SH3KBP1: variants seen among roughly 807,000 people sequenced by gnomAD.
SH3KBP1 encodes SH3 domain containing kinase binding protein 1.
SH3KBP1 carries 8 observed loss-of-function variants against 50.1 expected under a neutral mutation model. That is an observed-to-expected ratio of 0.16 (90% CI 0.09 to 0.29). The LOEUF is 0.29. Among genes scored for constraint, SH3KBP1 ranks in the 10% least tolerant of loss-of-function variants. The probability of loss-of-function intolerance (pLI) is 1.00; values close to 1 mark genes in which losing one functional copy is unlikely to be tolerated. For missense variants in SH3KBP1, 377 were observed against 535.2 expected (o/e 0.70, Z 2.92); for synonymous variants, 227 against 218.6 (o/e 1.04, Z -0.34).
chrX:19,802,767 G>A (rs1212328279), intron 2 of SH3KBP1, among the ~76,000 whole-genome samples: 2 of 111,109 alleles, frequency 1.8e-5, no homozygotes, highest in East Asian at 5.6e-4. Context: ...TAGCGTACTG[G>A]GCACGCACCA....
At chrX:19,628,073 G>A (rs2061496384) in intron 8 of SH3KBP1, among the ~76,000 whole-genome samples, 1 of 112,388 alleles carries the variant, frequency 8.9e-6, no homozygotes, top group South Asian at 3.7e-4. Context: ...AATGTCAGCA[G>A]GGTTTTACAG....
intron 3 of SH3KBP1, among the ~76,000 whole-genome samples, chrX:19,719,232 A>C (rs1176789184): frequency 1.8e-5 from 2 of 110,990 alleles, no homozygotes; most frequent in Admixed American, 9.6e-5. Flanking sequence ...CGACTCACTC[A>C]CATCTGCCTC....
intron 7 of SH3KBP1, among the ~76,000 whole-genome samples, chrX:19,633,205 G>A (rs2061619163): frequency 9.0e-6 from 1 of 111,517 alleles, no homozygotes; most frequent in African/African-American, 3.3e-5. Context: ...GTGAAGGGAG[G>A]AGAGGCGGTA....
chrX:19,545,884 A>C, intron 15 of SH3KBP1, 38 bp downstream of exon 15: 1 of 1,203,570 alleles, frequency 8.3e-7, no homozygotes, highest in Non-Finnish European at 1.1e-6. Flanking sequence ...CACATGCATG[A>C]AATGACAGGG....
At chrX:19,770,702 GTTAT>G (rs2065763502) in intron 2 of SH3KBP1, among the ~76,000 whole-genome samples, 1 of 107,786 alleles carries the variant, frequency 9.3e-6, no homozygotes, top group African/African-American at 3.4e-5. Flanking sequence ...TTACCAGCAT[GTTAT>G]TTTTTTTTTT....
chrX:19,536,431 G>C lies in SH3KBP1; in HGVS notation c.1984C>G (p.Leu662Val). The change falls in exon 18 of 18, where the codon CTA becomes GTA. Residue 662 changes from leucine (L) to valine (V), a missense_variant. Leu to Val is a conservative substitution (Grantham distance 32). Coordinates refer to ENST00000397821, the MANE Select transcript of SH3KBP1 (RefSeq NM_031892.3). ...QMEVNDIKKA[L>V]QSK ...TGATCAAGTATTCATTTTGATTGTA[G>C]AGCTTTCTTTATGTCGTTCACTTCC... 8.7e-7 allele frequency: 1 copy of C among 1,146,940 alleles called. No individual in the cohort carries two copies. The allele number at this position is 1,146,940 out of a possible 1,213,427, so 94.5% of individuals were successfully genotyped here. A position where few individuals can be genotyped will look rare whatever the true frequency, so the allele number is the denominator to read the frequency against.
chrX:19,836,797 G>A (rs1232933130), intron 1 of SH3KBP1, among the ~76,000 whole-genome samples: 1 of 111,954 alleles, frequency 8.9e-6, no homozygotes, highest in East Asian at 2.8e-4. Flanking sequence ...ATCCCCAAGT[G>A]TTGTAGGAGG....
chrX:19,767,952 C>T (rs2065672634), intron 2 of SH3KBP1, among the ~76,000 whole-genome samples: 2 of 110,774 alleles, frequency 1.8e-5, no homozygotes, highest in South Asian at 3.9e-4. Context: ...AGTTAATTTG[C>T]TCTGAACCCA....
intron 8 of SH3KBP1, among the ~76,000 whole-genome samples, chrX:19,612,684 A>C (rs1216943902): frequency 8.9e-6 from 1 of 112,407 alleles, no homozygotes; most frequent in Non-Finnish European, 1.9e-5. Flanking sequence ...TGTGCAGGAC[A>C]GGAGATGAAT....
chrX:19,856,257 T>C (rs1051178046), intron 1 of SH3KBP1, among the ~76,000 whole-genome samples: 1 of 112,111 alleles, frequency 8.9e-6, no homozygotes, highest in Admixed American at 9.5e-5. Flanking sequence ...AGCTTGCTTC[T>C]AAATCAATAA....
At chrX:19,794,966 T>C (rs2039773061) in intron 2 of SH3KBP1, among the ~76,000 whole-genome samples, 1 of 111,890 alleles carries the variant, frequency 8.9e-6, no homozygotes. Context: ...AAGGATTTAT[T>C]ATTATCCCAA....
At chrX:19,823,786 G>A (rs1248960634) in intron 2 of SH3KBP1, among the ~76,000 whole-genome samples, 2 of 112,208 alleles carry the variant, frequency 1.8e-5, no homozygotes, top group East Asian at 5.6e-4. Context: ...GAATCACTGA[G>A]TACAGAAGTT....
At chrX:19,830,494 T>G (rs975571612) in intron 2 of SH3KBP1, among the ~76,000 whole-genome samples, 1 of 111,836 alleles carries the variant, frequency 8.9e-6, no homozygotes, top group South Asian at 3.7e-4. Flanking sequence ...TAGTGGCTCA[T>G]GCCTATAATC....
intron 12 of SH3KBP1, among the ~76,000 whole-genome samples, chrX:19,570,472 G>A (rs2065974225): frequency 8.9e-6 from 1 of 111,842 alleles, no homozygotes; most frequent in African/African-American, 3.2e-5. Context: ...GACAAAGGCT[G>A]GCAAGGTTGG....
At chrX:19,677,316 A>G (rs1358319340) in intron 6 of SH3KBP1, among the ~76,000 whole-genome samples, 1 of 111,628 alleles carries the variant, frequency 9.0e-6, no homozygotes, top group East Asian at 2.8e-4. Flanking sequence ...GTAGGGCCAG[A>G]CTGGGGTCAC....
chrX:19,883,410 T>C lies in SH3KBP1; in HGVS notation c.4+3897A>G, dbSNP rs562003939. On this transcript the variant is annotated intron_variant, in intron 1 of 17. Coordinates refer to ENST00000397821, the MANE Select transcript of SH3KBP1 (RefSeq NM_031892.3). ...TCTCTGTCACTCTCTCTTCCCTTAG[T>C]ATAGCATTTCAGATGTCCATCGTGC... Among the ~76,000 whole-genome samples the C allele has an allele frequency of 3.6e-5, 4 of 112,635 alleles. No individual in the cohort carries two copies. In the South Asian group the frequency reaches 1.5e-3, roughly 41 times the overall value.
At chrX:19,798,796 C>T (rs2066801643) in intron 2 of SH3KBP1, among the ~76,000 whole-genome samples, 2 of 112,382 alleles carry the variant, frequency 1.8e-5, no homozygotes, top group African/African-American at 6.5e-5. Flanking sequence ...GAGCCCAGCA[C>T]ACTGCTTGCA....
intron 2 of SH3KBP1, among the ~76,000 whole-genome samples, chrX:19,818,152 G>A (rs1240425848): frequency 8.9e-6 from 1 of 112,193 alleles, no homozygotes; most frequent in African/African-American, 3.2e-5. Flanking sequence ...ACATATCCCT[G>A]TTGTTCAGCA....
chrX:19,813,209 C>T (rs1322060201), intron 2 of SH3KBP1, among the ~76,000 whole-genome samples: 5 of 110,097 alleles, frequency 4.5e-5, no homozygotes, highest in African/African-American at 1.3e-4. Flanking sequence ...TAACTTGCAC[C>T]TTTGGAATCT....
Sources: allele counts gnomAD v4.1 joint callset (sites outside exome capture counted in the v4.1 genomes callset), GRCh38; gene constraint gnomAD v4.1.1; transcripts MANE v1.5; gene names NCBI Gene and HGNC (gene_info 2026-07-23, HGNC 2026-07-21).